OPHN1: variants seen among roughly 807,000 people sequenced by gnomAD.
OPHN1 encodes the protein oligophrenin-1.
A neutral mutation model predicts 60.7 loss-of-function variants in OPHN1; 11 were observed. The ratio of observed to expected loss-of-function variants is 0.18; its 90% confidence interval spans 0.11 to 0.30. The LOEUF is 0.30. OPHN1 is among the 10% of genes least tolerant of loss of function. The pLI, the probability that OPHN1 is intolerant of heterozygous loss-of-function variation, is 1.00. For synonymous variants in OPHN1, 226 were observed against 222.6 expected, an observed-to-expected ratio of 1.02 and a Z score of -0.14; for missense variants, 449 against 611.0, an observed-to-expected ratio of 0.73 and a Z score of 2.80.
At chrX:68,255,017 G>GAA (rs748466618) in intron 5 of OPHN1, among the ~76,000 whole-genome samples, 7 of 32,922 alleles carry the variant, frequency 2.1e-4, no homozygotes, top group South Asian at 1.8e-3. Context: ...TCTGCCTCAA[G>GAA]AAAAAAAAAA....
intron 19 of OPHN1, among the ~76,000 whole-genome samples, chrX:68,084,008 A>C (rs1230579591): frequency 9.0e-6 from 1 of 111,532 alleles, no homozygotes; most frequent in Non-Finnish European, 1.9e-5. Context: ...AAGAAAAAAA[A>C]GTTTGAAATA....
chrX:68,322,892 T>C (rs1314763211), intron 2 of OPHN1, among the ~76,000 whole-genome samples: 2 of 110,944 alleles, frequency 1.8e-5, no homozygotes, highest in African/African-American at 6.6e-5. Flanking sequence ...AAAATTATGC[T>C]GAGAAAAAAG....
chrX:68,188,137 T>C (rs2077471883), intron 15 of OPHN1, among the ~76,000 whole-genome samples: 1 of 112,035 alleles, frequency 8.9e-6, no homozygotes, highest in African/African-American at 3.2e-5. Flanking sequence ...TAAGTTAAAA[T>C]ACCTTTAAGA....
At chrX:68,185,242 T>C (rs1014217709) in intron 15 of OPHN1, among the ~76,000 whole-genome samples, 4 of 112,640 alleles carry the variant, frequency 3.6e-5, no homozygotes, top group Non-Finnish European at 7.5e-5. Context: ...CAACAGAAAC[T>C]CTGTGCAGTA....
chrX:68,303,630 A>G (rs1224148290), intron 2 of OPHN1, among the ~76,000 whole-genome samples: 2 of 108,124 alleles, frequency 1.8e-5, no homozygotes, highest in Admixed American at 9.9e-5. Flanking sequence ...CCTGAACAAC[A>G]AAAGTGAAAT....
intron 15 of OPHN1, among the ~76,000 whole-genome samples, chrX:68,129,335 C>T (rs1425775631): frequency 9.0e-6 from 1 of 111,127 alleles, no homozygotes; most frequent in East Asian, 2.8e-4. Context: ...AGGTACCAAA[C>T]TGCATGAGAG....
rs751144185 is a variant in OPHN1 at position 68,391,068 on chromosome X, T to G, written c.154+41799A>C. Reference sequence around the variant, plus strand: ...ACATCATCTTCTCTCTATCTGACCTTTCTTCCTCCCTATTATAAGGGCCCA... The same window carrying G: ...ACATCATCTTCTCTCTATCTGACCTGTCTTCCTCCCTATTATAAGGGCCCA... On this transcript the variant is annotated intron_variant, in intron 2 of 24. Transcript: ENST00000355520. Among the ~76,000 whole-genome samples, 141 of 111,015 alleles carry G rather than the reference T, an allele frequency of 1.3e-3. 1 individual carries two copies. The highest frequency in any genetic ancestry group is 4.4e-3 in the African/African-American group (134 of 30,601).
chrX:68,053,656 G>A lies in OPHN1; in HGVS notation c.2313C>T (p.Ile771=), dbSNP rs1336997066. The part of the protein sequence containing the change: ...PDIVAGNAGE[I]TSSVVASRTR... ...ACAACCCTACTTACACAGATGATGT[G>A]ATTTCCCCCGCATTGCCAGCCACAA... Residue 771 remains isoleucine, a synonymous_variant, in exon 22 of 25, where the codon ATC becomes ATT. Transcript: ENST00000355520. 4.1e-6 allele frequency: 5 copies of A among 1,211,064 alleles called. No homozygotes were observed. The highest frequency in any genetic ancestry group is 5.6e-6 in the Non-Finnish European group (5 of 895,221).
At chrX:68,070,427 G>A in intron 20 of OPHN1, 1 of 535,156 alleles carries the variant, frequency 1.9e-6, no homozygotes. Flanking sequence ...GCTGAATCTT[G>A]ACATGGAAGG....
chrX:68,156,730 A>G (rs753468435), intron 15 of OPHN1, among the ~76,000 whole-genome samples: 1 of 112,072 alleles, frequency 8.9e-6, no homozygotes, highest in African/African-American at 3.2e-5. Context: ...ATGCCATTTT[A>G]TTGCAAAAAC....
intron 18 of OPHN1, among the ~76,000 whole-genome samples, chrX:68,111,086 C>G (rs1397133092): frequency 1.8e-5 from 2 of 112,187 alleles, no homozygotes; most frequent in Admixed American, 1.9e-4. Context: ...TAAATATATA[C>G]ACTTAAAATA....
chrX:68,418,099 G>A lies in OPHN1; in HGVS notation c.154+14768C>T, dbSNP rs1458471667. On this transcript the variant is annotated intron_variant, in intron 2 of 24. Coordinates refer to ENST00000355520, the MANE Select transcript of OPHN1 (RefSeq NM_002547.3). ...CTGATTAAAGGCATATGGGTAAGAAGGAGGCAAAAGAACTGGTCCTAAATA... is the reference window on the plus strand; with the variant it reads ...CTGATTAAAGGCATATGGGTAAGAAAGAGGCAAAAGAACTGGTCCTAAATA... Among the ~76,000 whole-genome samples, 24 of 112,238 alleles carry A rather than the reference G, an allele frequency of 2.1e-4. No homozygotes were observed. In the Admixed American group the frequency reaches 2.3e-3, roughly 11 times the overall value.
chrX:68,266,551 C>T (rs947786768), intron 5 of OPHN1, among the ~76,000 whole-genome samples: 3 of 111,540 alleles, frequency 2.7e-5, no homozygotes, highest in Non-Finnish European at 5.6e-5. Flanking sequence ...AAAGGAACAA[C>T]CGGTACCAGC....
At position 68,433,039 on chromosome X, in the gene OPHN1, T is replaced by TAGGG. The variant is rs2078893848; in HGVS notation, c.-4-19_-4-16dup. The TAGGG allele has an allele frequency of 1.7e-6, 2 of 1,182,460 alleles. No individual in the cohort carries two copies. The highest frequency in any genetic ancestry group is 2.3e-6 in the Non-Finnish European group (2 of 881,139). ...GACCCATGGTTCTGATGGCCGGGAG[T>TAGGG]AGGGGGAAAGGGGAAAGACACAAAG... is the stretch of plus-strand genomic sequence containing the variant. On this transcript the variant is annotated splice_polypyrimidine_tract_variant and intron_variant, in intron 1 of 24. Transcript: ENST00000355520.
At chrX:68,196,664 G>A (rs753726392) in intron 12 of OPHN1, among the ~76,000 whole-genome samples, 4 of 111,910 alleles carry the variant, frequency 3.6e-5, no homozygotes, top group Non-Finnish European at 5.6e-5. Context: ...TAAATGGAAC[G>A]GTACATCTTG....
chrX:68,188,955 CATA>C (rs2077475394), intron 15 of OPHN1, among the ~76,000 whole-genome samples: 1 of 111,884 alleles, frequency 8.9e-6, no homozygotes, highest in Non-Finnish European at 1.9e-5. Flanking sequence ...ATTCTAATGC[CATA>C]ATGATGAAAT....
chrX:68,316,256 A>G (rs1410056429), intron 2 of OPHN1, among the ~76,000 whole-genome samples: 1 of 111,813 alleles, frequency 8.9e-6, no homozygotes, highest in Non-Finnish European at 1.9e-5. Flanking sequence ...CTCTTTCAAC[A>G]ATGTATAAAA....
At chrX:68,365,752 G>A (rs1371847806) in intron 2 of OPHN1, among the ~76,000 whole-genome samples, 1 of 110,692 alleles carries the variant, frequency 9.0e-6, no homozygotes, top group African/African-American at 3.3e-5. Context: ...CCATGTGCCA[G>A]GCAGTATTCT....
At chrX:68,208,935 G>A (rs1437424893) in intron 9 of OPHN1, among the ~76,000 whole-genome samples, 1 of 112,320 alleles carries the variant, frequency 8.9e-6, no homozygotes, top group Non-Finnish European at 1.9e-5. Flanking sequence ...GAGAAATTGT[G>A]CGACACACAG....
Sources: allele counts gnomAD v4.1 joint callset (sites outside exome capture counted in the v4.1 genomes callset), GRCh38; gene constraint gnomAD v4.1.1; transcripts MANE v1.5; gene names NCBI Gene and HGNC (gene_info 2026-07-23, HGNC 2026-07-21).